PPM1B: variants seen among roughly 807,000 people sequenced by gnomAD.
PPM1B encodes the protein protein phosphatase, Mg2+/Mn2+ dependent 1B.
PPM1B carries 22 observed loss-of-function variants against 43.0 expected under a neutral mutation model. The observed-to-expected ratio is 0.51, with a 90% CI of 0.37 to 0.73. The LOEUF (loss-of-function observed/expected upper bound fraction) is 0.73. Among genes scored for constraint, PPM1B ranks in the 30% least tolerant of loss-of-function variants. The pLI, the probability that PPM1B is intolerant of heterozygous loss-of-function variation, is 0.00. For synonymous variants in PPM1B, 217 were observed against 197.9 expected, an observed-to-expected ratio of 1.10 and a Z score of -0.81; for missense variants, 632 against 584.2, an observed-to-expected ratio of 1.08 and a Z score of -0.84.
chr2:44,215,234 G>A (rs1468420239), intron 3 of PPM1B, among the ~76,000 whole-genome samples: 2 of 152,138 alleles, frequency 1.3e-5, no homozygotes, highest in African/African-American at 4.8e-5. Context: ...TTGGGATGCC[G>A]AGGCAGAAGG....
downstream of PPM1B, among the ~76,000 whole-genome samples, chr2:44,231,888 CAT>C (rs1670479521): frequency 6.6e-6 from 1 of 152,066 alleles, no homozygotes; most frequent in Non-Finnish European, 1.5e-5. Flanking sequence ...AGATTTGTCA[CAT>C]AGGGAAAAAT....
Position 44,206,855 on chromosome 2 carries a change from A to G in PPM1B, c.847-2355A>G, listed in dbSNP as rs374015614. Among the ~76,000 whole-genome samples, 257 of 152,248 alleles carry G rather than the reference A, an allele frequency of 1.7e-3. 1 individual carries two copies. The highest frequency in any genetic ancestry group is 5.8e-3 in the African/African-American group (242 of 41,542). ...GGGATTACAGGCAGCCACCATGCCC[A>G]GCTGTTTGATTCTTGAATATCCATG... On this transcript the variant is annotated intron_variant, in intron 2 of 5. Coordinates refer to ENST00000282412, the MANE Select transcript of PPM1B (RefSeq NM_002706.6).
intron 5 of PPM1B, among the ~76,000 whole-genome samples, chr2:44,242,658 T>A (rs1670775513): frequency 6.6e-6 from 1 of 152,230 alleles, no homozygotes; most frequent in Non-Finnish European, 1.5e-5. Flanking sequence ...TATTGTAACC[T>A]ACATTTTCTT....
chr2:44,209,365 G>T (rs1305431211), intron 3 of PPM1B, 38 bp downstream of exon 3: 1 of 1,608,010 alleles, frequency 6.2e-7, no homozygotes, highest in Admixed American at 1.7e-5. Context: ...GACAGGCCAG[G>T]CACGGTAGCT....
At chr2:44,184,968 G>C (rs969618452) in intron 1 of PPM1B, among the ~76,000 whole-genome samples, 2 of 146,930 alleles carry the variant, frequency 1.4e-5, no homozygotes, top group Admixed American at 6.9e-5. Context: ...TATTAGACCG[G>C]CCACTAGATA....
At chr2:44,212,545 A>G (rs566225377) in intron 3 of PPM1B, among the ~76,000 whole-genome samples, 19 of 152,330 alleles carry the variant, frequency 1.2e-4, no homozygotes, top group African/African-American at 4.1e-4. Flanking sequence ...CAGGAACATG[A>G]GAAGGGAGAA....
At chr2:44,188,389 C>CTTTTTTTTTTTTTTTTTTTTTTTTTTT (rs1236238969) in intron 1 of PPM1B, among the ~76,000 whole-genome samples, 1 of 118,730 alleles carries the variant, frequency 8.4e-6, no homozygotes, top group African/African-American at 3.2e-5. Context: ...TTCTTTCTTT[C>CTTTTTTTTTTTTTTTTTTTTTTTTTTT]TTTCTTTTTT....
intron 2 of PPM1B, among the ~76,000 whole-genome samples, chr2:44,205,225 C>A (rs1334727143): frequency 6.6e-6 from 1 of 151,872 alleles, no homozygotes; most frequent in African/African-American, 2.4e-5. Context: ...AAAAGATATC[C>A]ATAAGTCATA....
intron 5 of PPM1B, among the ~76,000 whole-genome samples, chr2:44,241,564 T>C (rs985351339): frequency 1.4e-5 from 2 of 142,172 alleles, no homozygotes; most frequent in Non-Finnish European, 3.1e-5. Flanking sequence ...AAACCCCATC[T>C]CTACTAAAAA....
At chr2:44,218,292 C>G (rs1447060630) in intron 4 of PPM1B, among the ~76,000 whole-genome samples, 188 bp from the exon 5 acceptor site, 4 of 152,134 alleles carry the variant, frequency 2.6e-5, no homozygotes, top group African/African-American at 9.7e-5. Flanking sequence ...GTCCTTCTTT[C>G]CTTGCTAAGG....
At chr2:44,245,058 C>T (rs143338200), downstream of PPM1B, among the ~76,000 whole-genome samples, 1 of 152,096 alleles carries the variant, frequency 6.6e-6, no homozygotes, top group East Asian at 1.9e-4. Context: ...ATTGCTTTAA[C>T]ACTAGAAAAA....
intron 5 of PPM1B, among the ~76,000 whole-genome samples, chr2:44,220,623 C>T (rs1206566594): frequency 6.6e-6 from 1 of 152,194 alleles, no homozygotes; most frequent in African/African-American, 2.4e-5. Context: ...AAACGTAAGA[C>T]GTGACCCCAC....
At chr2:44,199,821 G>A (rs796253090) in intron 1 of PPM1B, among the ~76,000 whole-genome samples, 29 of 152,088 alleles carry the variant, frequency 1.9e-4, no homozygotes, top group African/African-American at 6.8e-4. Flanking sequence ...TATAACCCAG[G>A]AAAATTATAA....
At chr2:44,182,811 T>C (rs1287785234) in intron 1 of PPM1B, among the ~76,000 whole-genome samples, 1 of 152,192 alleles carries the variant, frequency 6.6e-6, no homozygotes, top group Admixed American at 6.5e-5. Context: ...CCTGAACTTT[T>C]AGGAAGGTAG....
chr2:44,193,436 C>G (rs1189239946), intron 1 of PPM1B, among the ~76,000 whole-genome samples: 1 of 152,096 alleles, frequency 6.6e-6, no homozygotes, highest in Admixed American at 6.6e-5. Flanking sequence ...TGTTGTCACT[C>G]TGTTACCCAG....
chr2:44,179,911 A>T (rs1667782116), intron 1 of PPM1B, among the ~76,000 whole-genome samples: 2 of 150,076 alleles, frequency 1.3e-5, no homozygotes, highest in Admixed American at 1.3e-4. Flanking sequence ...CAGGAGGCTG[A>T]GGCAGGAGAA....
downstream of PPM1B, among the ~76,000 whole-genome samples, chr2:44,231,977 A>G (rs1670482488): frequency 6.6e-6 from 1 of 152,194 alleles, no homozygotes; most frequent in African/African-American, 2.4e-5. Flanking sequence ...ATGTGTCTAA[A>G]GTTGCTTTAA....
At chr2:44,224,615 CTA>C (rs1670131664) in intron 5 of PPM1B, among the ~76,000 whole-genome samples, 2 of 151,934 alleles carry the variant, frequency 1.3e-5, no homozygotes, top group African/African-American at 2.4e-5. Context: ...TATCTAATTT[CTA>C]TGTCTTATTT....
intron 2 of PPM1B, among the ~76,000 whole-genome samples, 182 bp from the exon 3 acceptor site, chr2:44,209,028 C>G (rs926856442): frequency 3.3e-5 from 5 of 152,284 alleles, no homozygotes; most frequent in African/African-American, 1.2e-4. Flanking sequence ...CAGATATACC[C>G]ATACCTAGAC....
Sources: allele counts gnomAD v4.1 joint callset (sites outside exome capture counted in the v4.1 genomes callset), GRCh38; gene constraint gnomAD v4.1.1; transcripts MANE v1.5; gene names NCBI Gene and HGNC (gene_info 2026-07-23, HGNC 2026-07-21).